Variants in GCNT2 observed in about 807,000 individuals in gnomAD.
The protein encoded by GCNT2 is N-acetyllactosaminide beta-1,6-N-acetylglucosaminyl-transferase.
Under a neutral mutation model 34.2 loss-of-function variants are expected in GCNT2, and 34 were observed. The observed-to-expected ratio is 1.00, with a 90% CI of 0.76 to 1.32. GCNT2 has a LOEUF of 1.32. Among genes scored for constraint, GCNT2 ranks in the 40% most tolerant of loss-of-function variants. GCNT2 has a pLI of 0.00. For missense variants in GCNT2, 584 were observed against 489.4 expected, an observed-to-expected ratio of 1.19 and a Z score of -1.82; for synonymous variants, 212 against 188.0, an observed-to-expected ratio of 1.13 and a Z score of -1.04.
intron 4 of GCNT2, among the ~76,000 whole-genome samples, chr6:10,622,558 GAC>G: frequency 6.6e-6 from 1 of 152,020 alleles, no homozygotes; most frequent in East Asian, 1.9e-4. Context: ...TCCACTCTGA[GAC>G]ACTCAGTGTT....
At chr6:10,558,595 A>G (rs937724349) in intron 3 of GCNT2, among the ~76,000 whole-genome samples, 2 of 152,240 alleles carry the variant, frequency 1.3e-5, no homozygotes, top group Non-Finnish European at 2.9e-5. Context: ...TGAAAAATAC[A>G]AAATGGATCT....
At chr6:10,609,806 T>C (rs1765474170) in intron 3 of GCNT2, among the ~76,000 whole-genome samples, 1 of 151,968 alleles carries the variant, frequency 6.6e-6, no homozygotes, top group Non-Finnish European at 1.5e-5. Flanking sequence ...AAATGTAAAA[T>C]GAGAAATGAA....
intron 3 of GCNT2, among the ~76,000 whole-genome samples, chr6:10,555,535 G>T (rs1280862111): frequency 6.6e-6 from 1 of 152,158 alleles, no homozygotes; most frequent in Non-Finnish European, 1.5e-5. Context: ...TATTTCCCAT[G>T]AAGCTCTAAG....
At chr6:10,543,672 C>G (rs1428333990) in intron 3 of GCNT2, among the ~76,000 whole-genome samples, 2 of 152,010 alleles carry the variant, frequency 1.3e-5, no homozygotes, top group African/African-American at 4.8e-5. Flanking sequence ...TCTTATAGTT[C>G]TGATTAGCAT....
At chr6:10,622,970 G>T (rs1221225290) in intron 4 of GCNT2, among the ~76,000 whole-genome samples, 1 of 151,896 alleles carries the variant, frequency 6.6e-6, no homozygotes, top group African/African-American at 2.4e-5. Context: ...GGCCAGGATG[G>T]TCTCAGTCTC....
intron 3 of GCNT2, chr6:10,557,233 G>C: frequency 6.3e-7 from 1 of 1,595,304 alleles, no homozygotes; most frequent in East Asian, 2.2e-5. Context: ...TATCAAGAGA[G>C]TTTGCCAACT....
At chr6:10,604,080 A>G (rs1765208177) in intron 3 of GCNT2, among the ~76,000 whole-genome samples, 1 of 151,804 alleles carries the variant, frequency 6.6e-6, no homozygotes, top group African/African-American at 2.4e-5. Flanking sequence ...GTATTTTAGT[A>G]GAGATGAGGT....
chr6:10,554,852 A>G (rs1277749523), intron 3 of GCNT2, among the ~76,000 whole-genome samples: 2 of 152,136 alleles, frequency 1.3e-5, no homozygotes, highest in Non-Finnish European at 2.9e-5. Context: ...TTGGTAAGGG[A>G]GAGAGAAAAA....
At chr6:10,602,858 G>A (rs770044939) in intron 3 of GCNT2, among the ~76,000 whole-genome samples, 6 of 152,094 alleles carry the variant, frequency 3.9e-5, no homozygotes, top group East Asian at 1.9e-4. Context: ...CTTTTCCCCC[G>A]GTTACAAACA....
chr6:10,555,761 A>G (rs1375296408), intron 3 of GCNT2: 1 of 985,326 alleles, frequency 1.0e-6, no homozygotes, highest in African/African-American at 1.7e-5. Flanking sequence ...CCAAAAAAGC[A>G]TTACAATGGA....
At chr6:10,608,357 C>T (rs551400358) in intron 3 of GCNT2, among the ~76,000 whole-genome samples, 16 of 152,196 alleles carry the variant, frequency 1.1e-4, no homozygotes, top group African/African-American at 2.6e-4. Context: ...GGATTACAGG[C>T]GTGAGCCACC....
At chr6:10,623,793 T>C (rs1368235455) in intron 4 of GCNT2, among the ~76,000 whole-genome samples, 1 of 152,218 alleles carries the variant, frequency 6.6e-6, no homozygotes, top group Non-Finnish European at 1.5e-5. Context: ...TGTCCACACC[T>C]AAACCATGTT....
intron 3 of GCNT2, among the ~76,000 whole-genome samples, chr6:10,577,214 C>T (rs926277079): frequency 3.3e-5 from 5 of 152,262 alleles, no homozygotes; most frequent in Non-Finnish European, 5.9e-5. Context: ...AATCACACCT[C>T]GCCCAAGGGG....
intron 1 of GCNT2, chr6:10,521,652 A>G (rs928906506): frequency 2.7e-4 from 38 of 140,504 alleles, no homozygotes; most frequent in African/African-American, 9.3e-4. Flanking sequence ...CTGTTTTCAA[A>G]GGTTTTTTTT....
intron 3 of GCNT2, among the ~76,000 whole-genome samples, chr6:10,540,642 C>G (rs1389805523): frequency 6.6e-6 from 1 of 152,124 alleles, no homozygotes; most frequent in Non-Finnish European, 1.5e-5. Flanking sequence ...GAGTGGGCTT[C>G]CAATATCACT....
intron 3 of GCNT2, among the ~76,000 whole-genome samples, chr6:10,554,699 T>G: frequency 6.6e-6 from 1 of 152,210 alleles, no homozygotes; most frequent in East Asian, 1.9e-4. Context: ...GAATTTTTCT[T>G]TATCATAAAT....
rs1761334129 is a variant in GCNT2 at position 10,528,972 on chromosome 6, G to A, written c.61G>A (p.Val21Ile). The A allele has an allele frequency of 1.2e-6, 2 of 1,613,818 alleles. No homozygotes were observed. Among genetic ancestry groups the A allele is most frequent in the African/African-American group, 2.7e-5 (2 of 74,900 alleles). Reference sequence around the variant, plus strand: ...GTCTCTTATCTCTGCCCTGATTTTTGTATTTGTTTACAATACTGAGTTATG... The same window carrying A: ...GTCTCTTATCTCTGCCCTGATTTTTATATTTGTTTACAATACTGAGTTATG... ...SASLISALIF[V>I]FVYNTELWEN... The change falls in exon 3 of 5, where the codon GTA (valine) becomes ATA (isoleucine). Residue 21 changes from valine to isoleucine, a missense_variant. Physicochemically the swap from Val to Ile is conservative, Grantham distance 29 (BLOSUM62 3). Transcript: ENST00000495262.
chr6:10,557,812 G>A (rs1383703591), intron 3 of GCNT2, among the ~76,000 whole-genome samples: 1 of 152,150 alleles, frequency 6.6e-6, no homozygotes, highest in Admixed American at 6.6e-5. Context: ...TTCTTTATGT[G>A]ATAATTCACA....
At chr6:10,608,813 AG>A (rs997000292) in intron 3 of GCNT2, among the ~76,000 whole-genome samples, 5 of 152,360 alleles carry the variant, frequency 3.3e-5, no homozygotes, top group Admixed American at 2.0e-4. Context: ...AGACCAATTC[AG>A]GAATTCCCAG....
Sources: allele counts gnomAD v4.1 joint callset (sites outside exome capture counted in the v4.1 genomes callset), GRCh38; gene constraint gnomAD v4.1.1; transcripts MANE v1.5; gene names NCBI Gene and HGNC (gene_info 2026-07-23, HGNC 2026-07-21).